The following AAR2 variants were observed in gnomAD, a reference collection of about 807,000 sequenced individuals.
The protein encoded by AAR2 is AAR2 splicing factor.
Under a neutral mutation model 26.9 loss-of-function variants are expected in AAR2, and 31 were observed. That is an observed-to-expected ratio of 1.15 (90% CI 0.86 to 1.55). The LOEUF (loss-of-function observed/expected upper bound fraction) is 1.55, where lower values mean the gene tolerates loss of function less well. Ranked by LOEUF, AAR2 falls within the 40% of genes most tolerant of loss-of-function variation. The pLI, the probability that AAR2 is intolerant of heterozygous loss-of-function variation, is 0.00. For synonymous variants in AAR2, 188 were observed against 196.1 expected, an observed-to-expected ratio of 0.96 and a Z score of 0.34; for missense variants, 430 against 491.3, an observed-to-expected ratio of 0.88 and a Z score of 1.18.
chr20:36,255,759 C>G lies in AAR2; in HGVS notation c.*14C>G, dbSNP rs745720221. On this transcript the variant is annotated 3_prime_UTR_variant, in exon 4 of 4. Coordinates refer to ENST00000320849, the MANE Select transcript of AAR2 (RefSeq NM_001271874.2). ...GAGATGGGCTAACTCGGGGAGCGCT[C>G]TCAGCTGCGAGGGGCCCCTTCCCAC... 12 of 1,613,676 alleles carry G rather than the reference C, an allele frequency of 7.4e-6. No individual in the cohort carries two copies. The highest frequency in any genetic ancestry group is 1.1e-5 in the South Asian group (1 of 91,058).
At chr20:36,246,579 G>A (rs1449836918) in intron 3 of AAR2, among the ~76,000 whole-genome samples, 1 of 152,208 alleles carries the variant, frequency 6.6e-6, no homozygotes, top group Non-Finnish European at 1.5e-5. Flanking sequence ...CTTGCCTCTG[G>A]CAGTGGCTGC....
intron 1 of AAR2, among the ~76,000 whole-genome samples, chr20:36,238,636 G>A (rs2064643222): frequency 6.6e-6 from 1 of 151,672 alleles, no homozygotes; most frequent in African/African-American, 2.4e-5. Flanking sequence ...CACACCGGTA[G>A]TCTCAGCTGC....
chr20:36,250,994 C>T (rs1190694512), intron 3 of AAR2, among the ~76,000 whole-genome samples: 1 of 151,956 alleles, frequency 6.6e-6, no homozygotes, highest in Non-Finnish European at 1.5e-5. Context: ...CCCAGGTGTT[C>T]CAGACCAGCC....
At chr20:36,247,615 C>T (rs1720146706) in intron 3 of AAR2, among the ~76,000 whole-genome samples, 1 of 152,128 alleles carries the variant, frequency 6.6e-6, no homozygotes, top group South Asian at 2.1e-4. Flanking sequence ...CGCCTGTGAT[C>T]TCAGCACTTT....
chr20:36,246,138 A>G (rs542204365), intron 3 of AAR2, among the ~76,000 whole-genome samples: 1 of 152,316 alleles, frequency 6.6e-6, no homozygotes, highest in South Asian at 2.1e-4. Flanking sequence ...TGGCAGGTGG[A>G]GGTCAGGATT....
chr20:36,246,052 A>G (rs2064731751), intron 3 of AAR2, among the ~76,000 whole-genome samples: 1 of 152,306 alleles, frequency 6.6e-6, no homozygotes, highest in Middle Eastern at 3.4e-3. Context: ...GAGCCTTGTA[A>G]GATGGGGGTA....
Position 36,241,557 on chromosome 20 carries a change from C to T in AAR2, c.757+932C>T, listed in dbSNP as rs140073375. ...ATCCCAGCACTTTGGGAGGCTGAGG[C>T]CGGTGGGGATCACCTGAGGTTAGGA... On this transcript the variant is annotated intron_variant, in intron 2 of 3. Coordinates refer to ENST00000320849, the MANE Select transcript of AAR2 (RefSeq NM_001271874.2). 9.3e-4 allele frequency among the ~76,000 whole-genome samples: 141 copies of T among 152,146 alleles called. 1 individual carries two copies. The highest frequency in any genetic ancestry group is 3.3e-3 in the African/African-American group (135 of 41,516).
At chr20:36,251,499 G>A (rs1355478634) in intron 3 of AAR2, among the ~76,000 whole-genome samples, 1 of 152,100 alleles carries the variant, frequency 6.6e-6, no homozygotes, top group Non-Finnish European at 1.5e-5. Flanking sequence ...GAAGCACCTT[G>A]GTTCCCTACA....
intron 1 of AAR2, among the ~76,000 whole-genome samples, chr20:36,238,758 A>AC (rs1340709123): frequency 2.8e-4 from 42 of 149,756 alleles, no homozygotes; most frequent in Middle Eastern, 6.9e-3. Context: ...CCTGTCTCAA[A>AC]AAAAAAAAAA....
At chr20:36,249,087 A>G (rs953243194) in intron 3 of AAR2, among the ~76,000 whole-genome samples, 1 of 152,114 alleles carries the variant, frequency 6.6e-6, no homozygotes, top group Non-Finnish European at 1.5e-5. Flanking sequence ...GCTACTACCC[A>G]TGGAGAGGGA....
At chr20:36,254,918 C>G (rs1357331599) in intron 3 of AAR2, among the ~76,000 whole-genome samples, 1 of 152,146 alleles carries the variant, frequency 6.6e-6, no homozygotes, top group Non-Finnish European at 1.5e-5. Flanking sequence ...AACACAAAGC[C>G]TATTTTATAA....
In AAR2 at chr20:36,244,927, G is replaced by A. The variant is rs2064719673; in HGVS notation, c.987+1G>A. On this transcript the variant is annotated splice_donor_variant, in intron 3 of 3. Coordinates refer to ENST00000320849, the MANE Select transcript of AAR2 (RefSeq NM_001271874.2). LOFTEE classifies it high-confidence loss of function. Reference sequence around the variant, plus strand: ...CAACTTCCTCACCAGCACCTTACAGGTGAGCAGTCTTTCTGACTGAGCTGA... The same window carrying A: ...CAACTTCCTCACCAGCACCTTACAGATGAGCAGTCTTTCTGACTGAGCTGA... 3 of 1,611,976 alleles carry A rather than the reference G, an allele frequency of 1.9e-6. No homozygotes were observed. Among genetic ancestry groups the A allele is most frequent in the Non-Finnish European group, 2.5e-6 (3 of 1,178,092 alleles).
chr20:36,241,724 A>G (rs957999187), intron 2 of AAR2, among the ~76,000 whole-genome samples: 4 of 152,216 alleles, frequency 2.6e-5, no homozygotes, highest in African/African-American at 9.6e-5. Context: ...CAGAGGTCGC[A>G]GTGAACCAAG....
chr20:36,239,597 T>C (rs1004067974), intron 1 of AAR2, among the ~76,000 whole-genome samples: 2 of 152,186 alleles, frequency 1.3e-5, no homozygotes, highest in African/African-American at 4.8e-5. Flanking sequence ...ACTGGTATCT[T>C]ATAGCTGTGA....
chr20:36,240,634 G>A lies in AAR2; in HGVS notation c.757+9G>A. Reference sequence around the variant, plus strand: ...CCCCCAGGATGTGCTTGGTGAGAAGGAACAAGGCTCTTTGGGAGTGGGCCA... The same window carrying A: ...CCCCCAGGATGTGCTTGGTGAGAAGAAACAAGGCTCTTTGGGAGTGGGCCA... On this transcript the variant is annotated intron_variant, in intron 2 of 3. Transcript: ENST00000320849. The A allele has an allele frequency of 6.2e-7, 1 of 1,604,206 alleles. No individual in the cohort carries two copies. Among genetic ancestry groups the A allele is most frequent in the Non-Finnish European group, 8.5e-7 (1 of 1,173,712 alleles).
chr20:36,238,797 C>T (rs542035906), intron 1 of AAR2, among the ~76,000 whole-genome samples: 5 of 151,588 alleles, frequency 3.3e-5, no homozygotes, highest in South Asian at 2.1e-4. Context: ...ACAGGCAGCT[C>T]GTTTTTCTGT....
chr20:36,254,285 A>G (rs1311597088), intron 3 of AAR2, among the ~76,000 whole-genome samples: 1 of 152,276 alleles, frequency 6.6e-6, no homozygotes, highest in Non-Finnish European at 1.5e-5. Context: ...ATTCTGACAC[A>G]TGCTGCATCA....
rs2064802430 is a variant in AAR2 at position 36,254,243 on chromosome 20, C to G, written c.988-1335C>G. Among the ~76,000 whole-genome samples the G allele has an allele frequency of 2.0e-5, 3 of 152,192 alleles. No homozygotes were observed. In the South Asian group the frequency reaches 6.2e-4, roughly 32 times the overall value. ...AACAAAATGTGGTATCTGCATACAA[C>G]AGAATATTATTCAGCCTTCAAAAGA... is the stretch of plus-strand genomic sequence containing the variant. On this transcript the variant is annotated intron_variant, in intron 3 of 3. Coordinates refer to ENST00000320849, the MANE Select transcript of AAR2 (RefSeq NM_001271874.2).
chr20:36,239,824 TTCA>T lies in AAR2; in HGVS notation c.-41_-39del, dbSNP rs2064655953. ...CTCTGGTTTCTTTCTTTCTCAGCTG[TTCA>T]TCAAAGAAAAAGGGTTCTTTTGGTC... On this transcript the variant is annotated 5_prime_UTR_variant, in exon 2 of 4. Transcript: ENST00000320849. The T allele has an allele frequency of 1.3e-6, 2 of 1,516,822 alleles. No individual in the cohort carries two copies. Among genetic ancestry groups the T allele is most frequent in the Admixed American group, 2.2e-5 (1 of 44,972 alleles). The allele number at this position is 1,516,822 out of a possible 1,614,324, so 94.0% of individuals were successfully genotyped here. A position where few individuals can be genotyped will look rare whatever the true frequency, so the allele number is the denominator to read the frequency against.
Sources: allele counts gnomAD v4.1 joint callset (sites outside exome capture counted in the v4.1 genomes callset), GRCh38; gene constraint gnomAD v4.1.1; transcripts MANE v1.5; gene names NCBI Gene and HGNC (gene_info 2026-07-23, HGNC 2026-07-21).